RNASEH1: variants seen among roughly 807,000 people sequenced by gnomAD.
The protein encoded by RNASEH1 is ribonuclease H1.
RNASEH1 carries 27 observed loss-of-function variants against 34.6 expected under a neutral mutation model. The observed-to-expected ratio is 0.78, with a 90% CI of 0.58 to 1.08. The LOEUF is 1.08. Among genes scored for constraint, RNASEH1 ranks in the 50% least tolerant of loss-of-function variants. RNASEH1 has a pLI of 0.00. For synonymous variants in RNASEH1, 162 were observed against 138.4 expected (o/e 1.17, Z -1.20); for missense variants, 349 against 373.6 (o/e 0.93, Z 0.54).
chr2:3,539,629 C>G (rs1668184779), downstream of RNASEH1, among the ~76,000 whole-genome samples: 1 of 152,244 alleles, frequency 6.6e-6, no homozygotes, highest in Non-Finnish European at 1.5e-5. Flanking sequence ...AACTGAGGAA[C>G]CACGACCACC....
chr2:3,542,301 G>T lies in RNASEH1; in HGVS notation c.*3484C>A, dbSNP rs778365827. On this transcript the variant is annotated 3_prime_UTR_variant, in exon 8 of 8. Coordinates refer to ENST00000315212, the MANE Select transcript of RNASEH1 (RefSeq NM_002936.6). ...AACACATGACACATTCGAATAAAAC[G>T]GCCGACTTGACAGAAAAAGGAAAAA... is the stretch of plus-strand genomic sequence containing the variant. 2.6e-5 allele frequency among the ~76,000 whole-genome samples: 4 copies of T among 152,128 alleles called. No individual in the cohort carries two copies. The highest frequency in any genetic ancestry group is 5.9e-5 in the Non-Finnish European group (4 of 68,022).
rs899006032 is a variant in RNASEH1, at chr2:3,548,811, T to A, written c.565-87A>T. 1.2e-5 allele frequency: 11 copies of A among 929,892 alleles called. No homozygotes were observed. The African/African-American group carries it at 1.8e-4, about 15-fold the overall frequency. 57.6% of individuals were successfully genotyped at this position (929,892 alleles called of 1,614,324 possible). A position where few individuals can be genotyped will look rare whatever the true frequency, so the allele number is the denominator to read the frequency against. On this transcript the variant is annotated intron_variant, in intron 5 of 7. Transcript: ENST00000315212. ...TCAAAAGTACTTCGAAATTGAAACA[T>A]CCCCTCTGTACTGATTATATTCTCT...
intron 5 of RNASEH1, 100 bp from the exon 6 acceptor site, chr2:3,548,824 G>A (rs1669008298): frequency 1.2e-6 from 1 of 830,640 alleles, no homozygotes; most frequent in Non-Finnish European, 2.0e-6. Flanking sequence ...CCTCTGTACT[G>A]ATTATATTCT....
At position 3,545,495 on chromosome 2, in the gene RNASEH1, C is replaced by T. The variant is rs577127290; in HGVS notation, c.*290G>A. 140 of 358,378 alleles carry T rather than the reference C, an allele frequency of 3.9e-4. No individual in the cohort carries two copies. Among genetic ancestry groups the T allele is most frequent in the Non-Finnish European group, 6.0e-4 (119 of 197,088 alleles). The allele number at this position is 358,378 out of a possible 1,614,324, so 22.2% of individuals were successfully genotyped here. A position where few individuals can be genotyped will look rare whatever the true frequency, so the allele number is the denominator to read the frequency against. On this transcript the variant is annotated 3_prime_UTR_variant, in exon 8 of 8. Coordinates refer to ENST00000315212, the MANE Select transcript of RNASEH1 (RefSeq NM_002936.6). The stretch of plus-strand genomic sequence containing the variant: ...AAATATAAGCCACAGCATTTTAGGC[C>T]ATTTGCCTTGCTTGCCTGCAATAAA...
downstream of RNASEH1, among the ~76,000 whole-genome samples, chr2:3,537,456 C>G (rs950885412): frequency 1.3e-5 from 2 of 152,198 alleles, no homozygotes; most frequent in African/African-American, 4.8e-5. Context: ...GGCACAGTGG[C>G]TCATGGCTCT....
At chr2:3,539,589 C>A (rs1668181356), downstream of RNASEH1, among the ~76,000 whole-genome samples, 1 of 152,100 alleles carries the variant, frequency 6.6e-6, no homozygotes, top group Admixed American at 6.5e-5. Context: ...ATGCAGCCGG[C>A]CCTCCCCATG....
Position 3,558,190 on chromosome 2 carries a change from C to T in RNASEH1, c.71G>A (p.Gly24Glu). ...AALPCRRGSR[G>E]FGMFYAVRRG... Reference sequence around the variant, plus strand: ...CCTCACGGCATAGAACATCCCGAACCCGCGAGAGCCGCGGCGGCAGGGCAA... The same window carrying T: ...CCTCACGGCATAGAACATCCCGAACTCGCGAGAGCCGCGGCGGCAGGGCAA... Residue 24 changes from glycine to glutamate, a missense_variant, in exon 1 of 8, where the codon GGG (glycine) becomes GAG (glutamate). Gly to Glu is a moderately conservative substitution (Grantham distance 98). Around this residue, in one of 2 missense-constraint regions of RNASEH1, gnomAD observed 256 missense variants for 240.7 expected, o/e 1.06. Transcript: ENST00000315212. 1 of 1,601,716 alleles carries T rather than the reference C, an allele frequency of 6.2e-7. No individual in the cohort carries two copies. Among genetic ancestry groups the T allele is most frequent in the Non-Finnish European group, 8.5e-7 (1 of 1,175,890 alleles).
chr2:3,545,694 G>T lies in RNASEH1; in HGVS notation c.*91C>A, dbSNP rs1162691117. 3.6e-6 allele frequency: 3 copies of T among 841,292 alleles called. No homozygotes were observed. The highest frequency in any genetic ancestry group is 3.3e-5 in the African/African-American group (2 of 59,990). 52.1% of individuals were successfully genotyped at this position (841,292 alleles called of 1,614,324 possible). On this transcript the variant is annotated 3_prime_UTR_variant, in exon 8 of 8. Coordinates refer to ENST00000315212, the MANE Select transcript of RNASEH1 (RefSeq NM_002936.6). ...GACGCATCTGCCCATCACTGCAATG[G>T]TCCTACCTGCAGGCTATTTTCCACA...
chr2:3,532,716 CATT>C, the RNASEH1 span, among the ~76,000 whole-genome samples: 571 of 152,292 alleles, frequency 3.7e-3, 9 homozygotes, highest in African/African-American at 0.013. Flanking sequence ...TGCAGTGCAT[CATT>C]GACAGAAATG....
chr2:3,535,857 C>A, the RNASEH1 span, among the ~76,000 whole-genome samples: 30 of 152,146 alleles, frequency 2.0e-4, no homozygotes, highest in Non-Finnish European at 3.7e-4. Context: ...AAGGACGCAG[C>A]CTGCAGTGGA....
At chr2:3,540,549 C>T (rs892257647), downstream of RNASEH1, among the ~76,000 whole-genome samples, 7 of 152,204 alleles carry the variant, frequency 4.6e-5, no homozygotes, top group African/African-American at 9.6e-5. Context: ...GCTGGGATTA[C>T]AGGCACCTGC....
At chr2:3,557,956 A>T in intron 1 of RNASEH1, 177 bp downstream of exon 1, 1 of 1,509,304 alleles carries the variant, frequency 6.6e-7, no homozygotes, top group Non-Finnish European at 8.9e-7. Flanking sequence ...CCAGGCCATG[A>T]GCCTCCTGGA....
intron 2 of RNASEH1, among the ~76,000 whole-genome samples, chr2:3,553,955 C>T (rs936100808): frequency 6.6e-6 from 1 of 152,126 alleles, no homozygotes; most frequent in African/African-American, 2.4e-5. Flanking sequence ...CAGGAGCAAC[C>T]AACTACCTGC....
chr2:3,534,589 C>T, the RNASEH1 span, among the ~76,000 whole-genome samples: 4 of 152,366 alleles, frequency 2.6e-5, no homozygotes, highest in South Asian at 2.1e-4. Flanking sequence ...AAGCGGGTTG[C>T]GGCATGCCCG....
At chr2:3,550,901 G>A (rs1325088809) in intron 3 of RNASEH1, among the ~76,000 whole-genome samples, 1 of 152,200 alleles carries the variant, frequency 6.6e-6, no homozygotes, top group East Asian at 1.9e-4. Context: ...GACCAGTGCT[G>A]GTCTAATTTC....
At chr2:3,553,414 C>T (rs1437864264) in intron 2 of RNASEH1, among the ~76,000 whole-genome samples, 1 of 150,188 alleles carries the variant, frequency 6.7e-6, no homozygotes, top group Non-Finnish European at 1.5e-5. Context: ...TTTTTTGAGA[C>T]AGAGTCTTGC....
At chr2:3,535,184 G>C in the RNASEH1 span, among the ~76,000 whole-genome samples, 1 of 152,126 alleles carries the variant, frequency 6.6e-6, no homozygotes, top group Admixed American at 6.5e-5. Flanking sequence ...TGGGGACGGT[G>C]AGGCAGGCGG....
intron 2 of RNASEH1, among the ~76,000 whole-genome samples, chr2:3,555,751 G>A (rs559056278): frequency 3.4e-5 from 3 of 87,710 alleles, no homozygotes; most frequent in Non-Finnish European, 7.6e-5. Flanking sequence ...AAAATCTTGC[G>A]CTCTAAAGTC....
intron 2 of RNASEH1, 139 bp downstream of exon 2, chr2:3,556,650 G>A (rs1660529724): frequency 3.2e-6 from 2 of 623,348 alleles, no homozygotes; most frequent in South Asian, 2.0e-5. Flanking sequence ...CTTTCAGTCT[G>A]TTCCCTAATT....
Sources: allele counts gnomAD v4.1 joint callset (sites outside exome capture counted in the v4.1 genomes callset), GRCh38; gene constraint gnomAD v4.1.1; regional missense constraint gnomAD v4.1.1; transcripts MANE v1.5; gene names NCBI Gene and HGNC (gene_info 2026-07-23, HGNC 2026-07-21).